EPB41L4B: variants seen among roughly 807,000 people sequenced by gnomAD.
EPB41L4B encodes band 4.1-like protein 4B.
EPB41L4B carries 30 observed loss-of-function variants against 112.5 expected under a neutral mutation model. That is an observed-to-expected ratio of 0.27 (90% CI 0.20 to 0.36). The LOEUF (loss-of-function observed/expected upper bound fraction) is 0.36, where lower values mean the gene tolerates loss of function less well. EPB41L4B is among the 10% of genes least tolerant of loss of function. The pLI is 1.00. For synonymous variants in EPB41L4B, 408 were observed against 439.7 expected (o/e 0.93, Z 0.90); for missense variants, 1,024 against 1,133.3 (o/e 0.90, Z 1.38).
chr9:109,255,898 A>G, intron 9 of EPB41L4B, 55 bp from the exon 10 acceptor site: 2 of 1,470,104 alleles, frequency 1.4e-6, no homozygotes, highest in South Asian at 2.5e-5. Context: ...CTATCTACAC[A>G]TCAAATAGCA....
Position 109,176,656 on chromosome 9 carries a change from G to A in EPB41L4B, c.2528C>T (p.Pro843Leu), listed in dbSNP as rs762308777. 23 of 1,613,844 alleles carry A rather than the reference G, an allele frequency of 1.4e-5. No homozygotes were observed. Among genetic ancestry groups the A allele is most frequent in the African/African-American group, 5.3e-5 (4 of 74,878 alleles). ...CGCTGCTGGGATCAGCGGGGAAGTC[G>A]GGCCAGGACAGCACTGTAATTTACT... The part of the protein sequence containing the change: ...RDSKLQCCPG[P>L]TSPLIPAATL... The change falls in exon 25 of 26, where the codon CCG becomes CTG. Residue 843 changes from proline (P) to leucine (L), a missense_variant. Physicochemically the swap from Pro to Leu is moderately conservative, Grantham distance 98. Transcript: ENST00000374566.
intron 24 of EPB41L4B, among the ~76,000 whole-genome samples, chr9:109,182,122 AC>A (rs201963611): frequency 0.016 from 2,388 of 152,212 alleles, 72 homozygotes; most frequent in African/African-American, 0.055. Context: ...CGCAGGAGAA[AC>A]ACTTGAACCT....
intron 20 of EPB41L4B, among the ~76,000 whole-genome samples, chr9:109,196,827 A>G (rs1164338788): frequency 2.6e-5 from 4 of 151,534 alleles, no homozygotes; most frequent in South Asian, 2.1e-4. Context: ...CCTCCTTGTC[A>G]TATTTCCAGG....
intron 15 of EPB41L4B, among the ~76,000 whole-genome samples, chr9:109,235,545 A>G (rs965834653): frequency 6.6e-6 from 1 of 151,858 alleles, no homozygotes; most frequent in Non-Finnish European, 1.5e-5. Context: ...ACACAGGCAC[A>G]CACCACCACG....
intron 1 of EPB41L4B, among the ~76,000 whole-genome samples, chr9:109,317,946 C>G (rs1417907588): frequency 6.6e-6 from 1 of 152,192 alleles, no homozygotes; most frequent in East Asian, 1.9e-4. Context: ...GCGTTAACCT[C>G]GTAACTCAGA....
intron 12 of EPB41L4B, among the ~76,000 whole-genome samples, chr9:109,252,102 G>A (rs2119010960): frequency 6.6e-6 from 1 of 152,286 alleles, no homozygotes; most frequent in Admixed American, 6.5e-5. Context: ...CAGACCCTGG[G>A]GCCCAGATCT....
At chr9:109,217,819 C>T (rs922446989) in intron 15 of EPB41L4B, among the ~76,000 whole-genome samples, 1 of 152,150 alleles carries the variant, frequency 6.6e-6, no homozygotes, top group African/African-American at 2.4e-5. Flanking sequence ...GTGGTCCACC[C>T]TCCTGGGCTT....
chr9:109,172,841 G>A lies in EPB41L4B; in HGVS notation c.*1713C>T, dbSNP rs956481845. On this transcript the variant is annotated 3_prime_UTR_variant, in exon 26 of 26. Transcript: ENST00000374566. ...ATTTTACAACAATACTAGTAAATGA[G>A]GCATTACCTTTTTTTGTAGTCATTA... The A allele has an allele frequency of 6.6e-6, 1 of 152,562 alleles. No homozygotes were observed. Among genetic ancestry groups the A allele is most frequent in the African/African-American group, 2.4e-5 (1 of 41,432 alleles). 9.5% of individuals were successfully genotyped at this position (152,562 alleles called of 1,614,324 possible).
At chr9:109,216,857 G>A in intron 16 of EPB41L4B, 65 bp downstream of exon 16, 2 of 1,480,316 alleles carry the variant, frequency 1.4e-6, no homozygotes, top group South Asian at 1.1e-5. Flanking sequence ...AAGAATCTAG[G>A]GAACTCTCGT....
At chr9:109,202,767 A>G (rs1053568793) in intron 19 of EPB41L4B, among the ~76,000 whole-genome samples, 6 of 152,196 alleles carry the variant, frequency 3.9e-5, no homozygotes, top group African/African-American at 1.2e-4. Context: ...CACAATGTAC[A>G]TTATTTGAGT....
chr9:109,192,727 G>A (rs969155688), intron 21 of EPB41L4B, among the ~76,000 whole-genome samples: 1 of 152,164 alleles, frequency 6.6e-6, no homozygotes, highest in African/African-American at 2.4e-5. Context: ...GGTCCTCCAG[G>A]AGCTAAACTG....
rs562481913 is a variant in EPB41L4B at position 109,276,311 on chromosome 9, G to C, written c.411+3506C>G. On this transcript the variant is annotated intron_variant, in intron 2 of 25. Transcript: ENST00000374566. ...TCAGGACACGCTTCATGAAGGGTGA[G>C]GGGGGGGTCATCTGAGATGGTCTTG... Among the ~76,000 whole-genome samples the C allele has an allele frequency of 4.6e-4, 48 of 104,046 alleles. 1 individual carries two copies. In the South Asian group the frequency reaches 9.4e-3, roughly 20 times the overall value. The allele number at this position is 104,046 out of a possible 152,430, so 68.3% of individuals were successfully genotyped here.
chr9:109,240,359 A>T (rs1330963053), intron 15 of EPB41L4B: 1 of 985,322 alleles, frequency 1.0e-6, no homozygotes, highest in Non-Finnish European at 1.2e-6. Flanking sequence ...TATGCAGCTG[A>T]TACCTTCTTG....
chr9:109,318,360 AC>A (rs1837713522), intron 1 of EPB41L4B, among the ~76,000 whole-genome samples: 1 of 151,994 alleles, frequency 6.6e-6, no homozygotes, highest in Admixed American at 6.5e-5. Flanking sequence ...TGAGGGCTAC[AC>A]TGGCTGGAAT....
In EPB41L4B at chr9:109,241,733, C is replaced by G. The variant is rs539916486; in HGVS notation, c.1409+1885G>C. On this transcript the variant is annotated intron_variant, in intron 15 of 25. Transcript: ENST00000374566. The stretch of plus-strand genomic sequence containing the variant: ...CCTCCTAAGTTCTTCTGGTTCTGGT[C>G]GTGGACATAATCAAAATGGCTGTCA... 6.2e-6 allele frequency: 10 copies of G among 1,614,134 alleles called. No individual in the cohort carries two copies. The African/African-American group carries it at 1.2e-4, about 19-fold the overall frequency.
intron 15 of EPB41L4B, among the ~76,000 whole-genome samples, chr9:109,221,241 G>C (rs1564275517): frequency 6.6e-6 from 1 of 152,086 alleles, no homozygotes; most frequent in Non-Finnish European, 1.5e-5. Flanking sequence ...GGGGAGGGAG[G>C]GGGAGGAAGG....
At chr9:109,295,169 T>C (rs1356709094) in intron 1 of EPB41L4B, among the ~76,000 whole-genome samples, 1 of 152,152 alleles carries the variant, frequency 6.6e-6, no homozygotes, top group Non-Finnish European at 1.5e-5. Flanking sequence ...GTGCACCTTA[T>C]AAAGGGGATG....
At chr9:109,208,993 G>T (rs1293391732) in intron 17 of EPB41L4B, among the ~76,000 whole-genome samples, 1 of 152,176 alleles carries the variant, frequency 6.6e-6, no homozygotes, top group African/African-American at 2.4e-5. Context: ...ACAGGACCGT[G>T]TGATTGCTAG....
chr9:109,292,158 C>G (rs1836559993), intron 1 of EPB41L4B, among the ~76,000 whole-genome samples: 1 of 152,158 alleles, frequency 6.6e-6, no homozygotes, highest in African/African-American at 2.4e-5. Context: ...TAGGTCTGTC[C>G]AAACATGTCT....
Sources: gnomAD v4.1 joint callset for allele counts (sites outside exome capture counted in the v4.1 genomes callset) on GRCh38, gnomAD v4.1.1 for gene constraint, MANE v1.5 for transcripts, NCBI Gene and HGNC (gene_info 2026-07-23, HGNC 2026-07-21) for gene names.